The following TCF4 variants were observed in gnomAD, a reference collection of about 807,000 sequenced individuals.
TCF4 encodes the protein transcription factor 4, also known as SL3-3 enhancer factor 2.
A neutral mutation model predicts 82.1 loss-of-function variants in TCF4; 3 were observed. The observed-to-expected ratio is 0.04, with a 90% CI of 0.02 to 0.09. TCF4 has a LOEUF of 0.09. Ranked by LOEUF, TCF4 falls within the 10% of genes least tolerant of loss-of-function variation. The pLI is 1.00. For synonymous variants in TCF4, 276 were observed against 309.6 expected, an observed-to-expected ratio of 0.89 and a Z score of 1.14; for missense variants, 518 against 852.7, an observed-to-expected ratio of 0.61 and a Z score of 4.89.
intron 3 of TCF4, among the ~76,000 whole-genome samples, chr18:55,550,044 A>T (rs1461492731): frequency 6.6e-6 from 1 of 152,192 alleles, no homozygotes; most frequent in Non-Finnish European, 1.5e-5. Flanking sequence ...AAGGACCATT[A>T]ATGTAGGAAC....
chr18:55,342,780 T>C (rs1346239390), intron 8 of TCF4, among the ~76,000 whole-genome samples: 3 of 152,156 alleles, frequency 2.0e-5, no homozygotes, highest in African/African-American at 7.2e-5. Flanking sequence ...GAAAATATTA[T>C]TGTACTGTGT....
At chr18:55,242,549 C>T (rs2051596413) in intron 15 of TCF4, among the ~76,000 whole-genome samples, 1 of 151,794 alleles carries the variant, frequency 6.6e-6, no homozygotes, top group South Asian at 2.1e-4. Context: ...GTACTATATG[C>T]AAGGCACTAC....
At chr18:55,319,921 CATTGGTAATCCT>C (rs1473653465) in intron 8 of TCF4, among the ~76,000 whole-genome samples, 1 of 152,150 alleles carries the variant, frequency 6.6e-6, no homozygotes, top group Non-Finnish European at 1.5e-5. Context: ...AAAGTCACAT[CATTGGTAATCCT>C]GAAAGATAAA....
intron 6 of TCF4, among the ~76,000 whole-genome samples, chr18:55,380,917 C>T (rs1007735853): frequency 2.0e-5 from 3 of 152,144 alleles, no homozygotes; most frequent in African/African-American, 4.8e-5. Context: ...GAATATTAAC[C>T]CGTTTCCTGT....
intron 8 of TCF4, among the ~76,000 whole-genome samples, chr18:55,293,494 C>T (rs534598884): frequency 2.0e-4 from 30 of 152,138 alleles, no homozygotes; most frequent in African/African-American, 7.2e-4. Context: ...AGCCAAATGG[C>T]TATAAATAAT....
intron 12 of TCF4, chr18:55,261,222 GA>G (rs1165593113): frequency 7.2e-6 from 4 of 555,120 alleles, no homozygotes; most frequent in African/African-American, 1.9e-5. Context: ...AAGACCAGGA[GA>G]ATATTCCCAC....
chr18:55,491,580 T>C (rs2096577379), intron 3 of TCF4, among the ~76,000 whole-genome samples: 2 of 152,184 alleles, frequency 1.3e-5, no homozygotes, highest in Admixed American at 1.3e-4. Context: ...ATACCAGTTC[T>C]CTAATTGAAT....
At chr18:55,455,222 G>GA (rs2095718040) in intron 5 of TCF4, among the ~76,000 whole-genome samples, 3 of 149,238 alleles carry the variant, frequency 2.0e-5, no homozygotes, top group African/African-American at 7.4e-5. Context: ...AAAGAAGAAG[G>GA]AGAAGTAGAA....
chr18:55,359,159 A>G (rs1318251665), intron 6 of TCF4, among the ~76,000 whole-genome samples: 1 of 152,204 alleles, frequency 6.6e-6, no homozygotes, highest in East Asian at 1.9e-4. Flanking sequence ...CTGAAATTTC[A>G]GTTCTTTAGT....
chr18:55,403,866 A>C, intron 5 of TCF4: 3 of 1,466,600 alleles, frequency 2.0e-6, no homozygotes, highest in Non-Finnish European at 2.7e-6. Context: ...CAGGCAAATT[A>C]TCTATGTAAT....
At chr18:55,488,300 C>T (rs1300192973) in intron 3 of TCF4, among the ~76,000 whole-genome samples, 1 of 152,138 alleles carries the variant, frequency 6.6e-6, no homozygotes, top group Non-Finnish European at 1.5e-5. Flanking sequence ...AATTCAGTCA[C>T]AAGGGAGAAA....
At chr18:55,590,521 T>G (rs906887300), upstream of TCF4, among the ~76,000 whole-genome samples, 2 of 152,256 alleles carry the variant, frequency 1.3e-5, no homozygotes, top group African/African-American at 4.8e-5. Context: ...GTAGCCTGTT[T>G]TCTGGTCTGT....
intron 5 of TCF4, among the ~76,000 whole-genome samples, chr18:55,456,009 T>C (rs1017656329): frequency 3.9e-5 from 6 of 152,366 alleles, no homozygotes; most frequent in Admixed American, 3.3e-4. Context: ...CACCTGCTTC[T>C]GCCACTGGGA....
intron 6 of TCF4, among the ~76,000 whole-genome samples, chr18:55,385,475 C>G (rs985697499): frequency 1.7e-4 from 26 of 152,192 alleles, no homozygotes; most frequent in African/African-American, 6.3e-4. Context: ...GATCTTGGCT[C>G]ACTTCAGCCT....
At chr18:55,508,884 T>A (rs546473360) in intron 3 of TCF4, among the ~76,000 whole-genome samples, 93 of 152,236 alleles carry the variant, frequency 6.1e-4, no homozygotes, top group African/African-American at 2.2e-3. Flanking sequence ...TTAGAAATTA[T>A]GTGCTGACTT....
At chr18:55,607,067 G>C (rs2097702825) in intron 2 of TCF4, among the ~76,000 whole-genome samples, 2 of 152,176 alleles carry the variant, frequency 1.3e-5, no homozygotes, top group Admixed American at 6.5e-5. Context: ...ACAATGGGTA[G>C]AGGTGAGCAT....
Position 55,222,764 on chromosome 18 carries a change from C to T in TCF4, c.*5271G>A, listed in dbSNP as rs2046039589. 6.6e-6 allele frequency: 1 copy of T among 152,572 alleles called. No homozygotes were observed. The highest frequency in any genetic ancestry group is 1.5e-5 in the Non-Finnish European group (1 of 68,026). The allele number at this position is 152,572 out of a possible 1,614,324, so 9.5% of individuals were successfully genotyped here. Reference sequence around the variant, plus strand: ...GCAAAGTAGATTGATGTCCATTCTACAAAAATATTAACTTACAGTACATAA... The same window carrying T: ...GCAAAGTAGATTGATGTCCATTCTATAAAAATATTAACTTACAGTACATAA... On this transcript the variant is annotated 3_prime_UTR_variant, in exon 20 of 20. Transcript: ENST00000354452.
chr18:55,434,457 T>C (rs2095278965), intron 5 of TCF4, among the ~76,000 whole-genome samples: 1 of 145,774 alleles, frequency 6.9e-6, no homozygotes, highest in South Asian at 2.2e-4. Flanking sequence ...TCTCGCTGTG[T>C]TGCCGAGGCT....
intron 15 of TCF4, 74 bp downstream of exon 15, chr18:55,254,423 A>T: frequency 7.0e-7 from 1 of 1,435,408 alleles, no homozygotes; most frequent in Non-Finnish European, 9.7e-7. Context: ...TTTAAAAAAC[A>T]GCAACAATAG....
Sources: allele counts gnomAD v4.1 joint callset (sites outside exome capture counted in the v4.1 genomes callset), GRCh38; gene constraint gnomAD v4.1.1; transcripts MANE v1.5; gene names NCBI Gene and HGNC (gene_info 2026-07-23, HGNC 2026-07-21).